Variants in UPF3B observed in about 807,000 individuals in gnomAD.
UPF3B encodes UPF3B regulator of nonsense mediated mRNA decay, also known as regulator of nonsense transcripts 3B.
Under a neutral mutation model 40.3 loss-of-function variants are expected in UPF3B, and 7 were observed. The observed-to-expected ratio is 0.17, with a 90% CI of 0.10 to 0.33. The LOEUF (loss-of-function observed/expected upper bound fraction) is 0.33. Ranked by LOEUF, UPF3B falls within the 10% of genes least tolerant of loss-of-function variation. The pLI is 1.00. For missense variants in UPF3B, 229 were observed against 358.9 expected (o/e 0.64, Z 2.93); for synonymous variants, 117 against 117.3 (o/e 1.00, Z 0.01).
At chrX:119,844,846 G>A (rs978507310) in intron 4 of UPF3B, among the ~76,000 whole-genome samples, 5 of 111,709 alleles carry the variant, frequency 4.5e-5, no homozygotes, top group African/African-American at 1.6e-4. Context: ...CAGATGATCC[G>A]CCCGCCTTGG....
chrX:119,845,496 AAAC>A (rs1291948899), intron 3 of UPF3B, among the ~76,000 whole-genome samples, 200 bp from the exon 4 acceptor site: 1 of 112,598 alleles, frequency 8.9e-6, no homozygotes, highest in East Asian at 2.8e-4. Context: ...TAACATAGTG[AAAC>A]AACACGGCAT....
intron 10 of UPF3B, among the ~76,000 whole-genome samples, chrX:119,837,081 T>C (rs2056104004): frequency 1.9e-5 from 2 of 107,027 alleles, no homozygotes; most frequent in African/African-American, 6.8e-5. Context: ...GTAGCTGAGA[T>C]TACAGGTGTG....
Position 119,851,764 on chromosome X carries a change from T to TTTTTTTTTTTTTTAC in UPF3B, c.263+2_263+3insGTAAAAAAAAAAAAA. ...ACCCCTTTCCTTTTTTTTTTTTTTTTACCTCGTATCATTAGAAAAAAACTC... is the reference window on the plus strand; with the variant it reads ...ACCCCTTTCCTTTTTTTTTTTTTTTTTTTTTTTTTTTTTACACCTCGTATCATTAGAAAAAAACTC... On this transcript the variant is annotated splice_region_variant and intron_variant, in intron 2 of 10. Coordinates refer to ENST00000276201, the MANE Select transcript of UPF3B (RefSeq NM_080632.3). 3 of 968,478 alleles carry TTTTTTTTTTTTTTAC rather than the reference T, an allele frequency of 3.1e-6. No homozygotes were observed. Among genetic ancestry groups the TTTTTTTTTTTTTTAC allele is most frequent in the Non-Finnish European group, 4.2e-6 (3 of 710,197 alleles). The allele number at this position is 968,478 out of a possible 1,213,427, so 79.8% of individuals were successfully genotyped here. A position where few individuals can be genotyped will look rare whatever the true frequency, so the allele number is the denominator to read the frequency against.
intron 3 of UPF3B, among the ~76,000 whole-genome samples, chrX:119,828,222 G>A (rs2428219): frequency 0.054 from 5,924 of 109,759 alleles, 344 homozygotes; most frequent in African/African-American, 0.18. Flanking sequence ...ACCATGCCTC[G>A]CTAAATTTTT....
chrX:119,851,105 T>C (rs1055821053), intron 3 of UPF3B, among the ~76,000 whole-genome samples: 4 of 112,560 alleles, frequency 3.6e-5, no homozygotes, highest in Admixed American at 9.5e-5. Flanking sequence ...AGTATCCCAA[T>C]TGGGAACTGT....
intron 3 of UPF3B, among the ~76,000 whole-genome samples, chrX:119,827,405 A>C (rs1293145555): frequency 9.4e-6 from 1 of 105,892 alleles, no homozygotes; most frequent in African/African-American, 3.5e-5. Context: ...GCTTATGAGA[A>C]ATATATATAT....
At chrX:119,818,784 T>C (rs1331609975) in intron 4 of UPF3B, among the ~76,000 whole-genome samples, 1 of 111,749 alleles carries the variant, frequency 8.9e-6, no homozygotes, top group Non-Finnish European at 1.9e-5. Flanking sequence ...GTTTATGCCA[T>C]GGAATGTCAA....
At chrX:119,840,823 T>A (rs2056152361) in intron 7 of UPF3B, 139 bp from the exon 8 acceptor site, 2 of 648,378 alleles carry the variant, frequency 3.1e-6, no homozygotes, top group East Asian at 7.0e-5. Flanking sequence ...AGTCTAAAAA[T>A]CCAACATTTT....
At chrX:119,831,319 CTTTTTT>C (rs1171859009), downstream of UPF3B, among the ~76,000 whole-genome samples, 3 of 106,577 alleles carry the variant, frequency 2.8e-5, no homozygotes, top group Non-Finnish European at 5.7e-5. Context: ...TCTCCTCCTC[CTTTTTT>C]TGTTTTTTTT....
chrX:119,849,385 C>T (rs1387801445), intron 3 of UPF3B, among the ~76,000 whole-genome samples: 1 of 108,756 alleles, frequency 9.2e-6, no homozygotes, highest in East Asian at 2.9e-4. Flanking sequence ...CCAGCTAAGT[C>T]GGCAGGCTGA....
At chrX:119,821,836 G>T (rs770868669) in intron 4 of UPF3B, among the ~76,000 whole-genome samples, 2 of 111,096 alleles carry the variant, frequency 1.8e-5, no homozygotes, top group Non-Finnish European at 3.8e-5. Context: ...CCTCACAGCT[G>T]TTTACTAAAG....
At chrX:119,806,841 C>G (rs749189790) in intron 6 of UPF3B, among the ~76,000 whole-genome samples, 1 of 108,700 alleles carries the variant, frequency 9.2e-6, no homozygotes, top group African/African-American at 3.3e-5. Context: ...CCAGCGTGGC[C>G]AACGTGGTGA....
At chrX:119,821,842 TAA>T (rs1316330572) in intron 4 of UPF3B, among the ~76,000 whole-genome samples, 1 of 111,493 alleles carries the variant, frequency 9.0e-6, no homozygotes, top group African/African-American at 3.3e-5. Flanking sequence ...AGCTGTTTAC[TAA>T]AGTTACTCAC....
At chrX:119,841,472 A>C (rs188341691) in intron 6 of UPF3B, among the ~76,000 whole-genome samples, 2 of 111,920 alleles carry the variant, frequency 1.8e-5, no homozygotes. Context: ...CTGCCTTACT[A>C]TCTCTCCAGA....
At chrX:119,812,813 G>C (rs2055836242) in intron 5 of UPF3B, among the ~76,000 whole-genome samples, 1 of 111,043 alleles carries the variant, frequency 9.0e-6, no homozygotes, top group South Asian at 3.9e-4. Flanking sequence ...TTTCCCACCT[G>C]CCATTCACCC....
chrX:119,810,720 A>C (rs747986162), intron 5 of UPF3B, among the ~76,000 whole-genome samples: 1 of 111,608 alleles, frequency 9.0e-6, no homozygotes, highest in Non-Finnish European at 1.9e-5. Context: ...GAGAGTTTCA[A>C]TGGGAAACCA....
At chrX:119,837,632 A>AC (rs1322061090) in intron 10 of UPF3B, 125 bp downstream of exon 10, 1 of 746,000 alleles carries the variant, frequency 1.3e-6, no homozygotes, top group African/African-American at 2.2e-5. Context: ...AAAAAAAAAA[A>AC]AAAGTTGCAG....
chrX:119,806,587 G>A (rs764603073), intron 6 of UPF3B, among the ~76,000 whole-genome samples: 7 of 111,547 alleles, frequency 6.3e-5, no homozygotes, highest in African/African-American at 9.8e-5. Flanking sequence ...TAAACTTTAG[G>A]ACATTAGATG....
intron 3 of UPF3B, among the ~76,000 whole-genome samples, chrX:119,847,534 G>A (rs2056249985): frequency 9.0e-6 from 1 of 111,229 alleles, no homozygotes; most frequent in Non-Finnish European, 1.9e-5. Context: ...GAGAGGCCGA[G>A]GTGGGCGCAT....
Sources: gnomAD v4.1 joint callset for allele counts (sites outside exome capture counted in the v4.1 genomes callset) on GRCh38, gnomAD v4.1.1 for gene constraint, MANE v1.5 for transcripts, NCBI Gene and HGNC (gene_info 2026-07-23, HGNC 2026-07-21) for gene names.